Variants in MTCL2 observed in about 807,000 individuals in gnomAD.
The protein encoded by MTCL2 is microtubule crosslinking factor 2.
chr20:36,787,100 T>G, the MTCL2 span, among the ~76,000 whole-genome samples: 1 of 152,110 alleles, frequency 6.6e-6, no homozygotes, highest in African/African-American at 2.4e-5. Context: ...CTGCTGGAAT[T>G]AGCACCTTTG....
chr20:36,840,310 A>G, the MTCL2 span, among the ~76,000 whole-genome samples: 1 of 149,216 alleles, frequency 6.7e-6, no homozygotes, highest in East Asian at 2.0e-4. Flanking sequence ...GACTACAGGC[A>G]CCCGCCACCA....
chr20:36,833,373 G>T, the MTCL2 span, among the ~76,000 whole-genome samples: 1 of 152,234 alleles, frequency 6.6e-6, no homozygotes, highest in African/African-American at 2.4e-5. Flanking sequence ...GAAAACCAGG[G>T]CAAATCCCTA....
the MTCL2 span, chr20:36,781,374 A>G: frequency 1.3e-5 from 2 of 152,200 alleles, no homozygotes; most frequent in East Asian, 3.9e-4. Context: ...CGTCTCTACT[A>G]AAAATAAAAA....
the MTCL2 span, among the ~76,000 whole-genome samples, chr20:36,854,526 G>A: frequency 0.011 from 1,636 of 152,220 alleles, 14 homozygotes; most frequent in Non-Finnish European, 0.016. Context: ...GACAGAGGCC[G>A]GGGTGTGTCC....
the MTCL2 span, chr20:36,815,019 A>T: frequency 7.5e-4 from 819 of 1,087,924 alleles, 1 homozygote; most frequent in Non-Finnish European, 5.9e-4. This position sits in a 1 kb window ranked among gnomAD's most constrained non-coding sequence, Gnocchi z 5.3. Context: ...CTGAGATTGC[A>T]CCACTGCACT....
At chr20:36,839,402 G>T in the MTCL2 span, 1 of 1,613,450 alleles carries the variant, frequency 6.2e-7, no homozygotes, top group Non-Finnish European at 8.5e-7. The surrounding 1 kb of genome is among the most constrained non-coding windows in gnomAD (Gnocchi z 5.1). Flanking sequence ...TAGACGTCCC[G>T]CATCTCCAGC....
the MTCL2 span, among the ~76,000 whole-genome samples, chr20:36,799,984 G>T: frequency 2.0e-5 from 3 of 152,180 alleles, no homozygotes; most frequent in Non-Finnish European, 4.4e-5. Flanking sequence ...GGTAAGGACT[G>T]GGGACTCCTG....
At chr20:36,811,295 T>C in the MTCL2 span, among the ~76,000 whole-genome samples, 1 of 152,186 alleles carries the variant, frequency 6.6e-6, no homozygotes, top group Non-Finnish European at 1.5e-5. Context: ...ATTGAATGTG[T>C]GCAGGAAATC....
chr20:36,862,641 T>C, the MTCL2 span: 1 of 1,486,856 alleles, frequency 6.7e-7, no homozygotes, highest in Non-Finnish European at 8.9e-7. Flanking sequence ...CCTCCCTTTC[T>C]ACCCGGGCGC....
chr20:36,856,247 G>T, the MTCL2 span, among the ~76,000 whole-genome samples: 2 of 152,336 alleles, frequency 1.3e-5, no homozygotes, highest in Admixed American at 6.5e-5. Flanking sequence ...CACAGAGACA[G>T]CCACTTGAGG....
the MTCL2 span, chr20:36,816,110 G>T: frequency 6.2e-7 from 1 of 1,613,534 alleles, no homozygotes; most frequent in African/African-American, 1.3e-5. Flanking sequence ...CCTTCAGCTC[G>T]GTCTCCCGCG....
At chr20:36,813,884 G>A in the MTCL2 span, among the ~76,000 whole-genome samples, 34 of 151,842 alleles carry the variant, frequency 2.2e-4, no homozygotes, top group Non-Finnish European at 2.9e-5. Flanking sequence ...GCTCAGTGCA[G>A]TCCAGCTTCA....
the MTCL2 span, among the ~76,000 whole-genome samples, chr20:36,802,172 G>A: frequency 6.6e-6 from 1 of 152,244 alleles, no homozygotes; most frequent in East Asian, 1.9e-4. Flanking sequence ...TGTAATCCCA[G>A]CTACTGAGGA....
At chr20:36,796,901 C>T in the MTCL2 span, 4 of 1,613,850 alleles carry the variant, frequency 2.5e-6, no homozygotes, top group Non-Finnish European at 2.5e-6. Flanking sequence ...CCATTTCCTC[C>T]AAGCTCAACT....
chr20:36,841,753 C>T, the MTCL2 span, among the ~76,000 whole-genome samples: 2 of 152,086 alleles, frequency 1.3e-5, no homozygotes, highest in Non-Finnish European at 2.9e-5. Flanking sequence ...GGCTGGAGTG[C>T]GGTGGCAAAA....
chr20:36,859,581 G>A, the MTCL2 span: 1 of 1,229,252 alleles, frequency 8.1e-7, no homozygotes, highest in Non-Finnish European at 1.0e-6. Flanking sequence ...TACCTTCTCT[G>A]TAGAAGCTCC....
the MTCL2 span, among the ~76,000 whole-genome samples, chr20:36,816,854 T>G: frequency 6.6e-6 from 1 of 152,206 alleles, no homozygotes; most frequent in Non-Finnish European, 1.5e-5. Flanking sequence ...ACCTTTGGAT[T>G]TGACTGTAGT....
the MTCL2 span, among the ~76,000 whole-genome samples, chr20:36,796,686 TCGGG>T: frequency 6.6e-6 from 1 of 152,132 alleles, no homozygotes. Flanking sequence ...CCTGAGTGGC[TCGGG>T]TTCCAGAGAA....
At chr20:36,786,819 T>C in the MTCL2 span, among the ~76,000 whole-genome samples, 3 of 152,246 alleles carry the variant, frequency 2.0e-5, no homozygotes, top group South Asian at 6.2e-4. Context: ...AGAGCGGTAA[T>C]GGAAGTTCAT....
Sources: gnomAD v4.1 joint callset for allele counts (sites outside exome capture counted in the v4.1 genomes callset) on GRCh38, gnomAD v4.1.1 for gene constraint, Gnocchi (gnomAD v3.1) non-coding constraint, MANE v1.5 for transcripts, NCBI Gene and HGNC (gene_info 2026-07-23, HGNC 2026-07-21) for gene names.